ATP2C1: variants seen among roughly 807,000 people sequenced by gnomAD.
The protein encoded by ATP2C1 is ATPase secretory pathway Ca2+ transporting 1.
In ATP2C1, 31 loss-of-function variants were observed where a neutral mutation model predicts 120.5. That is an observed-to-expected ratio of 0.26 (90% CI 0.19 to 0.35). ATP2C1 has a LOEUF of 0.35. Among genes scored for constraint, ATP2C1 ranks in the 10% least tolerant of loss-of-function variants. The pLI is 1.00. For missense variants in ATP2C1, 731 were observed against 1,107.5 expected, an observed-to-expected ratio of 0.66 and a Z score of 4.83; for synonymous variants, 351 against 358.7, an observed-to-expected ratio of 0.98 and a Z score of 0.24.
intron 20 of ATP2C1, among the ~76,000 whole-genome samples, chr3:130,989,389 A>T (rs1014666974): frequency 1.3e-5 from 2 of 151,716 alleles, no homozygotes; most frequent in African/African-American, 4.8e-5. Flanking sequence ...ACATGGAGAA[A>T]ACCTGTCTCT....
chr3:130,985,828 TAGTTGC>T (rs1259891234), intron 20 of ATP2C1, among the ~76,000 whole-genome samples: 1 of 152,028 alleles, frequency 6.6e-6, no homozygotes, highest in Non-Finnish European at 1.5e-5. Context: ...GCATGATGAG[TAGTTGC>T]TTTTTTTTCT....
chr3:131,016,338 A>G (rs768739321), exon 27 of ATP2C1: 1 of 1,614,192 alleles, frequency 6.2e-7, no homozygotes, highest in Non-Finnish European at 8.5e-7. Flanking sequence ...GCTCTTCCTT[A>G]CCTAAATAAA....
intron 2 of ATP2C1, among the ~76,000 whole-genome samples, chr3:130,916,253 A>C (rs1019433069): frequency 1.1e-4 from 16 of 151,464 alleles, no homozygotes; most frequent in African/African-American, 2.9e-4. Context: ...TCAAAAAAAA[A>C]AAAAAACAAA....
chr3:130,929,757 TA>T (rs1559935803), intron 2 of ATP2C1: 1 of 155,518 alleles, frequency 6.4e-6, no homozygotes, highest in Non-Finnish European at 1.4e-5. Flanking sequence ...GATAATTACT[TA>T]TGAAGCTGCA....
At chr3:130,973,652 T>C (rs1042171916) in intron 17 of ATP2C1, among the ~76,000 whole-genome samples, 3 of 152,206 alleles carry the variant, frequency 2.0e-5, no homozygotes, top group Admixed American at 6.5e-5. Flanking sequence ...TGGAAACTTA[T>C]GAATTATTTA....
At chr3:130,855,058 C>G (rs544722343) in intron 1 of ATP2C1, among the ~76,000 whole-genome samples, 1 of 152,184 alleles carries the variant, frequency 6.6e-6, no homozygotes, top group Admixed American at 6.5e-5. Flanking sequence ...CTCCCCCTTA[C>G]GTCCCCTTCC....
At chr3:130,986,100 A>C (rs1300871407) in intron 20 of ATP2C1, among the ~76,000 whole-genome samples, 1 of 151,334 alleles carries the variant, frequency 6.6e-6, no homozygotes, top group Non-Finnish European at 1.5e-5. Flanking sequence ...GACTGTTGGG[A>C]TCACTGCCAC....
intron 13 of ATP2C1, among the ~76,000 whole-genome samples, chr3:130,964,663 A>T (rs1200313478): frequency 6.6e-6 from 1 of 152,098 alleles, no homozygotes; most frequent in African/African-American, 2.4e-5. Flanking sequence ...TCTAGAAAAG[A>T]TGTTATATAA....
At chr3:130,975,253 A>C in intron 17 of ATP2C1, 79 bp from the exon 18 acceptor site, 5 of 1,376,302 alleles carry the variant, frequency 3.6e-6, no homozygotes, top group Non-Finnish European at 5.2e-6. Flanking sequence ...TGAGAAATGA[A>C]TGCCACTTAA....
chr3:130,953,783 C>A, intron 8 of ATP2C1, 38 bp from the exon 9 acceptor site: 1 of 1,611,752 alleles, frequency 6.2e-7, no homozygotes, highest in Non-Finnish European at 8.5e-7. Flanking sequence ...TTAAATGTAG[C>A]ACAAAATTTG....
intron 2 of ATP2C1, chr3:130,929,966 G>A: frequency 3.8e-6 from 1 of 260,608 alleles, no homozygotes; most frequent in Non-Finnish European, 7.5e-6. Flanking sequence ...AGAGTAGCCA[G>A]TTGTCTTTTC....
chr3:130,892,201 A>G (rs1489112919), upstream of ATP2C1, among the ~76,000 whole-genome samples: 2 of 152,202 alleles, frequency 1.3e-5, no homozygotes, highest in African/African-American at 2.4e-5. Flanking sequence ...AGCTAAAGTG[A>G]CCCAATACCA....
intron 2 of ATP2C1, chr3:130,927,719 A>G (rs147357406): frequency 6.6e-6 from 1 of 152,466 alleles, no homozygotes; most frequent in African/African-American, 2.4e-5. Flanking sequence ...GAGTCTCAGC[A>G]GACTAGTTCA....
rs143595357 is a variant in ATP2C1 at position 130,971,230 on chromosome 3, C to T, written c.1413+1834C>T. Reference sequence around the variant, plus strand: ...TGTAATGTTTAATAATTTTACTTTTCAGGAACTTTTAATGTAATCTACCAA... The same window carrying T: ...TGTAATGTTTAATAATTTTACTTTTTAGGAACTTTTAATGTAATCTACCAA... On this transcript the variant is annotated intron_variant, in intron 17 of 27. Transcript: ENST00000510168. Among the ~76,000 whole-genome samples the T allele has an allele frequency of 2.6e-4, 40 of 152,250 alleles. No homozygotes were observed. In the East Asian group the frequency reaches 7.7e-3, roughly 29 times the overall value.
intron 21 of ATP2C1, among the ~76,000 whole-genome samples, chr3:130,993,716 T>C (rs1466904774): frequency 6.6e-6 from 1 of 152,198 alleles, no homozygotes; most frequent in Admixed American, 6.5e-5. Context: ...AATTTAGAGA[T>C]ACAGTTCTCA....
intron 9 of ATP2C1, among the ~76,000 whole-genome samples, chr3:130,954,726 A>T (rs2060504308): frequency 6.6e-6 from 1 of 152,108 alleles, no homozygotes; most frequent in Admixed American, 6.6e-5. Context: ...ACCTCAAGTG[A>T]TCCACCCGCC....
At chr3:130,949,030 A>G (rs1263642283) in intron 8 of ATP2C1, among the ~76,000 whole-genome samples, 1 of 152,136 alleles carries the variant, frequency 6.6e-6, no homozygotes, top group Non-Finnish European at 1.5e-5. Flanking sequence ...GAGAAACAGC[A>G]ATATGGAAAT....
rs981619173 is a variant in ATP2C1, at chr3:131,001,460, A to G, written c.*110A>G. 26 of 1,457,340 alleles carry G rather than the reference A, an allele frequency of 1.8e-5. No individual in the cohort carries two copies. The highest frequency in any genetic ancestry group is 2.4e-5 in the Non-Finnish European group (26 of 1,106,330). The allele number at this position is 1,457,340 out of a possible 1,614,324, so 90.3% of individuals were successfully genotyped here. A position where few individuals can be genotyped will look rare whatever the true frequency, so the allele number is the denominator to read the frequency against. On this transcript the variant is annotated 3_prime_UTR_variant, in exon 28 of 28. Coordinates refer to ENST00000510168, the MANE Select transcript of ATP2C1 (RefSeq NM_001378687.1). ...TTGAGAACTTTTTAACTATTCATTGACTAAAAATGAACATTAATGTTAAAG... is the reference window on the plus strand; with the variant it reads ...TTGAGAACTTTTTAACTATTCATTGGCTAAAAATGAACATTAATGTTAAAG...
intron 9 of ATP2C1, among the ~76,000 whole-genome samples, chr3:130,954,417 T>A (rs573753424): frequency 2.0e-5 from 3 of 152,280 alleles, no homozygotes; most frequent in African/African-American, 7.2e-5. Flanking sequence ...ATGTCTCCTA[T>A]TGAGTATAAT....
Sources: allele counts gnomAD v4.1 joint callset (sites outside exome capture counted in the v4.1 genomes callset), GRCh38; gene constraint gnomAD v4.1.1; transcripts MANE v1.5; gene names NCBI Gene and HGNC (gene_info 2026-07-23, HGNC 2026-07-21).